DNAH12: variants seen among roughly 807,000 people sequenced by gnomAD.
The protein encoded by DNAH12 is dynein axonemal heavy chain 12.
A neutral mutation model predicts 371.5 loss-of-function variants in DNAH12; 285 were observed. The observed-to-expected ratio is 0.77, with a 90% CI of 0.70 to 0.85. DNAH12 has a LOEUF of 0.85. Among genes scored for constraint, DNAH12 ranks in the 40% least tolerant of loss-of-function variants. The pLI, the probability that DNAH12 is intolerant of heterozygous loss-of-function variation, is 0.00. For synonymous variants in DNAH12, 1,200 were observed against 1,213.0 expected, an observed-to-expected ratio of 0.99 and a Z score of 0.22; for missense variants, 3,611 against 3,689.4, an observed-to-expected ratio of 0.98 and a Z score of 0.55.
intron 22 of DNAH12, among the ~76,000 whole-genome samples, chr3:57,455,402 T>A (rs1340610490): frequency 2.0e-5 from 3 of 148,670 alleles, no homozygotes; most frequent in African/African-American, 7.5e-5. Flanking sequence ...CCATCTCTAC[T>A]AAAAATAAAA....
In DNAH12 at chr3:57,309,696, C is replaced by T. The variant is rs2061547420; in HGVS notation, c.11055G>A (p.Leu3685=). 2 of 1,530,888 alleles carry T rather than the reference C, an allele frequency of 1.3e-6. No homozygotes were observed. Among genetic ancestry groups the T allele is most frequent in the Non-Finnish European group, 8.8e-7 (1 of 1,140,542 alleles). 94.8% of individuals were successfully genotyped at this position (1,530,888 alleles called of 1,614,324 possible). The stretch of plus-strand genomic sequence containing the variant: ...TGAGGATATCTTTGGTAATTTCTAA[C>T]AGAATCTGATCAGTACTTCCTGAGG... ...TGASGSTDQI[L]LEITKDILNK... is the part of the protein sequence containing the mutation. The change falls in exon 68 of 74, where the codon CTG becomes CTA. Residue 3685 remains leucine, a synonymous_variant. Transcript: ENST00000495027.
chr3:57,386,224 T>C (rs1289431951), intron 47 of DNAH12, among the ~76,000 whole-genome samples: 1 of 152,214 alleles, frequency 6.6e-6, no homozygotes, highest in Non-Finnish European at 1.5e-5. Context: ...AGGCAACTTA[T>C]TGAACTTCTG....
chr3:57,369,219 T>TAAAA lies in DNAH12; in HGVS notation c.8760-963_8760-960dup, dbSNP rs1169309910. ...TGGGCAACAAAGATTGAAACTCCAT[T>TAAAA]AAAAAAAAAATATATATATATATAT... is the stretch of plus-strand genomic sequence containing the variant. On this transcript the variant is annotated intron_variant, in intron 55 of 73. Transcript: ENST00000495027. Among the ~76,000 whole-genome samples the TAAAA allele has an allele frequency of 5.2e-3, 661 of 125,978 alleles. 8 individuals carry two copies. The highest frequency in any genetic ancestry group is 0.019 in the African/African-American group (628 of 32,682). 82.6% of individuals were successfully genotyped at this position (125,978 alleles called of 152,430 possible).
intron 64 of DNAH12, among the ~76,000 whole-genome samples, chr3:57,322,706 G>C (rs1450058286): frequency 2.6e-5 from 4 of 152,120 alleles, no homozygotes; most frequent in Non-Finnish European, 1.5e-5. Flanking sequence ...GAGGCGGGTG[G>C]ATCACCTGAG....
chr3:57,294,048 G>C, intron 73 of DNAH12, 77 bp from the exon 74 acceptor site: 1 of 1,239,534 alleles, frequency 8.1e-7, no homozygotes, highest in Non-Finnish European at 1.1e-6. Flanking sequence ...TATTTATCTT[G>C]TAATAAAATG....
intron 13 of DNAH12, among the ~76,000 whole-genome samples, chr3:57,473,914 A>T (rs1406769382): frequency 6.6e-6 from 1 of 152,186 alleles, no homozygotes; most frequent in East Asian, 1.9e-4. Flanking sequence ...TGAAATTCAA[A>T]GTCCACTCAT....
intron 29 of DNAH12, among the ~76,000 whole-genome samples, chr3:57,439,357 C>G (rs2065234910): frequency 6.6e-6 from 1 of 152,170 alleles, no homozygotes; most frequent in South Asian, 2.1e-4. Flanking sequence ...AATAGTGACA[C>G]AGACCAATAG....
chr3:57,414,752 A>C (rs2153357244), intron 38 of DNAH12, among the ~76,000 whole-genome samples: 1 of 152,268 alleles, frequency 6.6e-6, no homozygotes, highest in South Asian at 2.1e-4. Flanking sequence ...AATAAACCAA[A>C]ATTATTTTCA....
At chr3:57,542,564 A>G (rs953227711) in intron 2 of DNAH12, 137 bp downstream of exon 2, 18 of 983,744 alleles carry the variant, frequency 1.8e-5, no homozygotes, top group Non-Finnish European at 2.6e-5. Context: ...ATTACTTTTC[A>G]ATTGTTTTTC....
chr3:57,454,460 A>C (rs548173752), intron 23 of DNAH12, among the ~76,000 whole-genome samples: 12 of 150,336 alleles, frequency 8.0e-5, no homozygotes, highest in Admixed American at 2.0e-4. Context: ...AGCCTAGGCA[A>C]CAAGAGCGTA....
chr3:57,354,565 A>T (rs1161534479), intron 59 of DNAH12, among the ~76,000 whole-genome samples: 2 of 151,870 alleles, frequency 1.3e-5, no homozygotes, highest in Admixed American at 1.3e-4. Context: ...AAAAAAAGAA[A>T]AAAAATCTAA....
intron 37 of DNAH12, 44 bp downstream of exon 37, chr3:57,419,323 G>A (rs1188816945): frequency 6.9e-7 from 1 of 1,456,552 alleles, no homozygotes; most frequent in Non-Finnish European, 9.0e-7. Flanking sequence ...TATTAAAATG[G>A]TACTTTTACA....
intron 44 of DNAH12, among the ~76,000 whole-genome samples, chr3:57,393,039 T>C (rs2063658215): frequency 6.6e-6 from 1 of 152,206 alleles, no homozygotes; most frequent in African/African-American, 2.4e-5. Context: ...TCACGCTCCA[T>C]ACCATGAACT....
intron 12 of DNAH12, 43 bp from the exon 13 acceptor site, chr3:57,483,554 T>A (rs1187217086): frequency 6.7e-7 from 1 of 1,491,778 alleles, no homozygotes. Context: ...GCAATTAATG[T>A]TATATCATAT....
At chr3:57,554,905 C>G in the DNAH12 span, among the ~76,000 whole-genome samples, 1 of 152,206 alleles carries the variant, frequency 6.6e-6, no homozygotes, top group Admixed American at 6.5e-5. Flanking sequence ...ACGTGAGCCA[C>G]TGGGCCCGGC....
At chr3:57,364,347 C>T (rs1364723764) in intron 57 of DNAH12, among the ~76,000 whole-genome samples, 1 of 152,066 alleles carries the variant, frequency 6.6e-6, no homozygotes, top group Non-Finnish European at 1.5e-5. Context: ...TTGGAAGAAA[C>T]ACTTCATGGT....
intron 50 of DNAH12, among the ~76,000 whole-genome samples, chr3:57,380,628 T>C (rs1051383966): frequency 0.66 from 99,644 of 151,906 alleles, 33,368 homozygotes; most frequent in Non-Finnish European, 0.75. Context: ...CCACACCTGG[T>C]TAATTATTGT....
chr3:57,380,644 T>C (rs2063369927), intron 50 of DNAH12, among the ~76,000 whole-genome samples: 1 of 152,128 alleles, frequency 6.6e-6, no homozygotes, highest in Admixed American at 6.5e-5. Flanking sequence ...ATTGTATTTT[T>C]AGTAGAGAGG....
chr3:57,503,052 C>A (rs906235700), intron 9 of DNAH12, among the ~76,000 whole-genome samples: 1 of 152,178 alleles, frequency 6.6e-6, no homozygotes, highest in Non-Finnish European at 1.5e-5. Context: ...AATAACTTGA[C>A]ATAAAATAAT....
Sources: gnomAD v4.1 joint callset for allele counts (sites outside exome capture counted in the v4.1 genomes callset) on GRCh38, gnomAD v4.1.1 for gene constraint, MANE v1.5 for transcripts, NCBI Gene and HGNC (gene_info 2026-07-23, HGNC 2026-07-21) for gene names.